Variants in PDE10A observed in about 807,000 individuals in gnomAD.
The protein encoded by PDE10A is cAMP and cAMP-inhibited cGMP 3',5'-cyclic phosphodiesterase 10A.
PDE10A carries 39 observed loss-of-function variants against 97.7 expected under a neutral mutation model. That is an observed-to-expected ratio of 0.40 (90% CI 0.31 to 0.52). PDE10A has a LOEUF of 0.52. Ranked by LOEUF, PDE10A falls within the 20% of genes least tolerant of loss-of-function variation. The pLI is 0.56. For synonymous variants in PDE10A, 371 were observed against 376.8 expected, an observed-to-expected ratio of 0.98 and a Z score of 0.18; for missense variants, 731 against 1,047.8, an observed-to-expected ratio of 0.70 and a Z score of 4.17.
In PDE10A at chr6:165,661,639, G is replaced by GAGGGGCGGAGAAGGAGGCGGC; in HGVS notation, c.865+287_865+307dup. 2.7e-6 allele frequency: 1 copy of GAGGGGCGGAGAAGGAGGCGGC among 367,062 alleles called. No individual in the cohort carries two copies. Among genetic ancestry groups the GAGGGGCGGAGAAGGAGGCGGC allele is most frequent in the Non-Finnish European group, 4.9e-6 (1 of 206,068 alleles). The allele number at this position is 367,062 out of a possible 1,614,324, so 22.7% of individuals were successfully genotyped here. ...GGACAAGTGTGGCCAGAAACGGCAC[G>GAGGGGCGGAGAAGGAGGCGGC]AGGGGCGGAGAAGGAGGCGGCAGGT... On this transcript the variant is annotated intron_variant, in intron 1 of 21. Coordinates refer to ENST00000539869, the MANE Select transcript of PDE10A (RefSeq NM_001385079.1). This position sits in a 1 kb window ranked among gnomAD's most constrained non-coding sequence, Gnocchi z 4.8.
chr6:165,454,369 G>A (rs779741370), intron 3 of PDE10A, among the ~76,000 whole-genome samples: 8 of 152,158 alleles, frequency 5.3e-5, no homozygotes, highest in Non-Finnish European at 1.2e-4. Context: ...AATTTTGGTG[G>A]CCAGGGGTGG....
intron 1 of PDE10A, among the ~76,000 whole-genome samples, chr6:165,554,945 T>C (rs1386822418): frequency 6.6e-6 from 1 of 152,194 alleles, no homozygotes; most frequent in Non-Finnish European, 1.5e-5. Flanking sequence ...TGTTCTCATT[T>C]ATTTGTGGGA....
At chr6:165,366,268 T>C (rs1293123930) in intron 18 of PDE10A, among the ~76,000 whole-genome samples, 1 of 152,312 alleles carries the variant, frequency 6.6e-6, no homozygotes, top group East Asian at 1.9e-4. Flanking sequence ...AAATTCTAGC[T>C]ATGCAGTCAG....
intron 1 of PDE10A, among the ~76,000 whole-genome samples, chr6:165,680,142 C>T (rs887668020): frequency 1.3e-4 from 19 of 151,842 alleles, no homozygotes; most frequent in African/African-American, 4.6e-4. Context: ...AGCCATGGAT[C>T]GTGAGCTCTC....
At chr6:165,340,149 T>A (rs114167870) in intron 19 of PDE10A, among the ~76,000 whole-genome samples, 1 of 152,254 alleles carries the variant, frequency 6.6e-6, no homozygotes, top group East Asian at 1.9e-4. Flanking sequence ...TTAATCCTTA[T>A]GAAATATTCT....
intron 5 of PDE10A, among the ~76,000 whole-genome samples, chr6:165,435,648 C>T (rs1789961997): frequency 6.6e-6 from 1 of 152,108 alleles, no homozygotes; most frequent in African/African-American, 2.4e-5. Context: ...TATTTTGATA[C>T]ACAGAAAATA....
chr6:165,597,667 C>G (rs980705770), intron 1 of PDE10A, among the ~76,000 whole-genome samples: 4 of 152,146 alleles, frequency 2.6e-5, no homozygotes, highest in Non-Finnish European at 5.9e-5. Context: ...ACTTTAGAAA[C>G]GGAATGACTA....
At chr6:165,905,622 A>T (rs1199123342) in intron 1 of PDE10A, among the ~76,000 whole-genome samples, 1 of 152,206 alleles carries the variant, frequency 6.6e-6, no homozygotes, top group Non-Finnish European at 1.5e-5. Flanking sequence ...AATTTAAAAA[A>T]TTCTTTTCTT....
chr6:165,703,103 C>T (rs923166503), intron 1 of PDE10A, among the ~76,000 whole-genome samples: 13 of 152,206 alleles, frequency 8.5e-5, no homozygotes, highest in African/African-American at 2.4e-4. Flanking sequence ...GTGGAGGCTG[C>T]GCTGTGTTGC....
intron 1 of PDE10A, among the ~76,000 whole-genome samples, chr6:165,630,086 G>A (rs1407104259): frequency 2.0e-5 from 3 of 152,152 alleles, no homozygotes; most frequent in South Asian, 2.1e-4. Context: ...AGTGGCTCTC[G>A]CCTGTAATCC....
intron 3 of PDE10A, among the ~76,000 whole-genome samples, chr6:165,451,755 G>A (rs551873705): frequency 6.6e-6 from 1 of 152,266 alleles, no homozygotes; most frequent in African/African-American, 2.4e-5. Flanking sequence ...ACTAGAGGAG[G>A]CTCTCTTCTA....
chr6:165,775,871 T>C (rs1379401143), intron 1 of PDE10A: 1 of 152,236 alleles, frequency 6.6e-6, no homozygotes, highest in East Asian at 1.9e-4. Context: ...AGCTCAAAAC[T>C]TATACTTAAA....
chr6:165,798,608 A>C (rs749699013), intron 1 of PDE10A, among the ~76,000 whole-genome samples: 1 of 152,210 alleles, frequency 6.6e-6, no homozygotes, highest in African/African-American at 2.4e-5. Flanking sequence ...ATGTCCCACC[A>C]AGAGGGAAAC....
intron 18 of PDE10A, among the ~76,000 whole-genome samples, chr6:165,372,843 A>G (rs1294513504): frequency 6.6e-6 from 1 of 151,056 alleles, no homozygotes; most frequent in Non-Finnish European, 1.5e-5. Context: ...ACAAGGCTAC[A>G]GTAACCAAAA....
At chr6:165,414,559 C>A (rs1788167630) in intron 12 of PDE10A, among the ~76,000 whole-genome samples, 1 of 152,152 alleles carries the variant, frequency 6.6e-6, no homozygotes, top group African/African-American at 2.4e-5. Context: ...TTTGTTCATT[C>A]ATTCCCAGTT....
chr6:165,497,548 A>G (rs558128503), intron 2 of PDE10A, among the ~76,000 whole-genome samples: 3 of 152,360 alleles, frequency 2.0e-5, no homozygotes, highest in Non-Finnish European at 4.4e-5. Flanking sequence ...TACCAAGGAC[A>G]TAAAAGCAAA....
intron 1 of PDE10A, among the ~76,000 whole-genome samples, chr6:165,606,038 C>T (rs757575408): frequency 2.4e-4 from 37 of 151,472 alleles, no homozygotes; most frequent in Non-Finnish European, 4.0e-4. Context: ...GCTGGGCACG[C>T]AGCAGGTGCG....
intron 2 of PDE10A, among the ~76,000 whole-genome samples, chr6:165,503,342 A>ATTC (rs1490987943): frequency 3.3e-5 from 5 of 152,216 alleles, no homozygotes; most frequent in Admixed American, 3.3e-4. Flanking sequence ...CACAGTATCA[A>ATTC]CATCCACGTG....
intron 1 of PDE10A, among the ~76,000 whole-genome samples, chr6:165,637,312 T>C (rs1788923301): frequency 6.6e-6 from 1 of 151,978 alleles, no homozygotes; most frequent in Non-Finnish European, 1.5e-5. Context: ...ACCTATACCA[T>C]ACTAGGATGT....
Sources: allele counts gnomAD v4.1 joint callset (sites outside exome capture counted in the v4.1 genomes callset), GRCh38; gene constraint gnomAD v4.1.1; non-coding constraint Gnocchi (gnomAD v3.1); transcripts MANE v1.5; gene names NCBI Gene and HGNC (gene_info 2026-07-23, HGNC 2026-07-21).